The following CPNE3 variants were observed in gnomAD, a reference collection of about 807,000 sequenced individuals.
CPNE3 encodes copine-3.
CPNE3 carries 68 observed loss-of-function variants against 63.9 expected under a neutral mutation model. That is an observed-to-expected ratio of 1.06 (90% CI 0.87 to 1.30). The LOEUF (loss-of-function observed/expected upper bound fraction) is 1.30, where lower values mean the gene tolerates loss of function less well. Among genes scored for constraint, CPNE3 ranks in the 50% most tolerant of loss-of-function variants. The pLI is 0.00. For missense variants in CPNE3, 665 were observed against 578.1 expected (o/e 1.15, Z -1.54); for synonymous variants, 219 against 197.5 (o/e 1.11, Z -0.91).
intron 6 of CPNE3, among the ~76,000 whole-genome samples, chr8:86,536,167 TTC>T (rs1820800021): frequency 6.6e-6 from 1 of 151,514 alleles, no homozygotes. Context: ...AATTTAATCA[TTC>T]TGTTTCCTAA....
chr8:86,527,970 T>TTTTTTTTTTTTTTTTG (rs1820576032), intron 2 of CPNE3, among the ~76,000 whole-genome samples: 2 of 146,448 alleles, frequency 1.4e-5, no homozygotes, highest in South Asian at 4.4e-4. Context: ...TTTTTTTTTT[T>TTTTTTTTTTTTTTTTG]TAGACAGAGT....
At chr8:86,541,705 T>TA (rs536813276) in intron 8 of CPNE3, among the ~76,000 whole-genome samples, 26,203 of 121,996 alleles carry the variant, frequency 0.21, 2,925 homozygotes, top group Non-Finnish European at 0.28. Flanking sequence ...GACCGTGTCT[T>TA]AAAAAAAAAA....
rs765869707 is a variant in CPNE3, at chr8:86,544,753, A to G, written c.647A>G (p.Asp216Gly). The change falls in exon 9 of 17, where the codon GAT (aspartate) becomes GGT (glycine). Residue 216 changes from aspartate to glycine, a missense_variant. Asp to Gly is a moderately conservative substitution (Grantham distance 94). Transcript: ENST00000517490. ...MDKTIKVECY[D>G]YDNDGSHDLI... ...ATTTAATTTCAGGTGGAGTGTTATG[A>G]TTATGACAATGATGGGTCACATGAT... The G allele has an allele frequency of 3.3e-6, 5 of 1,528,308 alleles. No individual in the cohort carries two copies. Among genetic ancestry groups the G allele is most frequent in the Middle Eastern group, 1.7e-4 (1 of 5,728 alleles). The allele number at this position is 1,528,308 out of a possible 1,614,324, so 94.7% of individuals were successfully genotyped here. A position where few individuals can be genotyped will look rare whatever the true frequency, so the allele number is the denominator to read the frequency against.
Position 86,558,634 on chromosome 8 carries a change from A to G in CPNE3, c.*224A>G, listed in dbSNP as rs1308150195. On this transcript the variant is annotated 3_prime_UTR_variant, in exon 17 of 17. Transcript: ENST00000517490. ...CAGTGATTGATAGCAATTTACATTAATTGCAGTAAAGCTCTTTGGATTAGA... is the reference window on the plus strand; with the variant it reads ...CAGTGATTGATAGCAATTTACATTAGTTGCAGTAAAGCTCTTTGGATTAGA... 1.1e-5 allele frequency: 5 copies of G among 456,378 alleles called. No individual in the cohort carries two copies. Among genetic ancestry groups the G allele is most frequent in the African/African-American group, 5.8e-5 (3 of 51,480 alleles). 28.3% of individuals were successfully genotyped at this position (456,378 alleles called of 1,614,324 possible).
At chr8:86,520,942 T>C (rs112092696) in intron 2 of CPNE3, among the ~76,000 whole-genome samples, 26 of 152,272 alleles carry the variant, frequency 1.7e-4, no homozygotes, top group African/African-American at 6.3e-4. Context: ...TCTTCCTTTT[T>C]GTTTCTTTTT....
At chr8:86,542,949 C>T (rs1820974206) in intron 8 of CPNE3, among the ~76,000 whole-genome samples, 2 of 152,122 alleles carry the variant, frequency 1.3e-5, no homozygotes, top group Admixed American at 1.3e-4. Flanking sequence ...AAATCTTGGC[C>T]TTGTCAAAGC....
chr8:86,548,892 A>G (rs1821112857), intron 12 of CPNE3, among the ~76,000 whole-genome samples: 1 of 152,114 alleles, frequency 6.6e-6, no homozygotes, highest in African/African-American at 2.4e-5. Flanking sequence ...AATAAAAACT[A>G]TTTCTTAGCA....
intron 2 of CPNE3, among the ~76,000 whole-genome samples, chr8:86,516,841 AG>A (rs1430522427): frequency 1.3e-5 from 2 of 152,238 alleles, no homozygotes; most frequent in East Asian, 3.8e-4. Flanking sequence ...TATGCTAGAA[AG>A]TATGCCTGTT....
At chr8:86,515,929 C>G (rs137932978) in intron 2 of CPNE3, among the ~76,000 whole-genome samples, 1 of 151,966 alleles carries the variant, frequency 6.6e-6, no homozygotes, top group Non-Finnish European at 1.5e-5. Flanking sequence ...GGATGGGAAA[C>G]GAAAAGGGAA....
chr8:86,541,678 C>T (rs1436894589), intron 8 of CPNE3, among the ~76,000 whole-genome samples: 12 of 148,636 alleles, frequency 8.1e-5, no homozygotes, highest in Non-Finnish European at 1.5e-4. Context: ...TGCACTCCAG[C>T]CTGGGTGATG....
In CPNE3 at chr8:86,558,744, G is replaced by A; in HGVS notation, c.*334G>A. On this transcript the variant is annotated 3_prime_UTR_variant, in exon 17 of 17. Transcript: ENST00000517490. ...TGCTGTGTTTAAGTGTTTGTCAATA[G>A]GAAGAATGGAAAACTGTTGGGATGA... The A allele has an allele frequency of 3.9e-6, 1 of 258,496 alleles. No individual in the cohort carries two copies. Among genetic ancestry groups the A allele is most frequent in the Non-Finnish European group, 7.6e-6 (1 of 130,866 alleles). The allele number at this position is 258,496 out of a possible 1,614,324, so 16.0% of individuals were successfully genotyped here. A position where few individuals can be genotyped will look rare whatever the true frequency, so the allele number is the denominator to read the frequency against.
Position 86,529,204 on chromosome 8 carries a change from T to G in CPNE3, c.312+80T>G, listed in dbSNP as rs377564419. 8.8e-5 allele frequency: 111 copies of G among 1,259,974 alleles called. 1 individual carries two copies. The East Asian group carries it at 1.0e-3, about 12-fold the overall frequency. The allele number at this position is 1,259,974 out of a possible 1,614,324, so 78.0% of individuals were successfully genotyped here. On this transcript the variant is annotated intron_variant, in intron 4 of 16. Coordinates refer to ENST00000517490, the MANE Select transcript of CPNE3 (RefSeq NM_003909.5). ...TGGTGGTGTTTTTGGTAAGCAGCAT[T>G]TAATTTTTAAAGTTGAAAAACATGT...
intron 7 of CPNE3, among the ~76,000 whole-genome samples, 198 bp from the exon 8 acceptor site, chr8:86,540,047 C>T (rs143538394): frequency 1.3e-5 from 2 of 152,270 alleles, no homozygotes; most frequent in East Asian, 3.9e-4. Context: ...GAATGTATCA[C>T]AACTGGACAA....
chr8:86,555,475 A>C (rs374887850), intron 15 of CPNE3, among the ~76,000 whole-genome samples: 97 of 152,320 alleles, frequency 6.4e-4, no homozygotes, highest in African/African-American at 2.1e-3. Context: ...ATTCATATAA[A>C]GTACACAATG....
intron 8 of CPNE3, among the ~76,000 whole-genome samples, chr8:86,542,958 G>A (rs927072861): frequency 1.1e-4 from 17 of 152,088 alleles, no homozygotes; most frequent in African/African-American, 4.1e-4. Context: ...CCTTGTCAAA[G>A]CTTAATCTTG....
Position 86,554,979 on chromosome 8 carries a change from G to T in CPNE3, c.1249G>T (p.Ala417Ser). Residue 417 changes from alanine (A) to serine (S), a missense_variant, in exon 15 of 17, where the codon GCT becomes TCT. By Grantham distance (99) the Ala-to-Ser change is moderately conservative. Transcript: ENST00000517490. ...FAAAATQQQT[A>S]SQYFVLLIIT... ...TGCTGCAGCCACGCAACAGCAGACA[G>T]CTTCTGTAAGTGCTCTATGGCCAGG... 6.2e-7 allele frequency: 1 copy of T among 1,614,068 alleles called. No individual in the cohort carries two copies. The highest frequency in any genetic ancestry group is 8.5e-7 in the Non-Finnish European group (1 of 1,180,008).
intron 8 of CPNE3, among the ~76,000 whole-genome samples, chr8:86,540,676 G>A (rs1563694160): frequency 6.6e-6 from 1 of 151,594 alleles, no homozygotes; most frequent in Non-Finnish European, 1.5e-5. Flanking sequence ...TACATTATTT[G>A]CCTTTGGTAT....
chr8:86,561,407 G>T lies in CPNE3; in HGVS notation c.*2997G>T, dbSNP rs552414153. Reference sequence around the variant, plus strand: ...TTCCTTTTGGATAAAGTTATTTCTTGATGTGACAGAGTAGTGTGTTTTCAT... The same window carrying T: ...TTCCTTTTGGATAAAGTTATTTCTTTATGTGACAGAGTAGTGTGTTTTCAT... On this transcript the variant is annotated 3_prime_UTR_variant, in exon 17 of 17. Transcript: ENST00000517490. 1 of 152,294 alleles carries T rather than the reference G, an allele frequency of 6.6e-6. No homozygotes were observed. Among genetic ancestry groups the T allele is most frequent in the African/African-American group, 2.4e-5 (1 of 41,566 alleles). 9.4% of individuals were successfully genotyped at this position (152,294 alleles called of 1,614,324 possible).
chr8:86,553,749 GT>G (rs35185836), intron 14 of CPNE3, among the ~76,000 whole-genome samples: 5,224 of 137,668 alleles, frequency 0.038, 249 homozygotes, highest in African/African-American at 0.13. Flanking sequence ...TTTACATTAA[GT>G]TTTTTTTTTT....
Sources: allele counts gnomAD v4.1 joint callset (sites outside exome capture counted in the v4.1 genomes callset), GRCh38; gene constraint gnomAD v4.1.1; transcripts MANE v1.5; gene names NCBI Gene and HGNC (gene_info 2026-07-23, HGNC 2026-07-21).